The following SNX7 variants were observed in gnomAD, a reference collection of about 807,000 sequenced individuals.
The protein encoded by SNX7 is sorting nexin-7.
A neutral mutation model predicts 48.4 loss-of-function variants in SNX7; 35 were observed. The ratio of observed to expected loss-of-function variants is 0.72; its 90% CI spans 0.55 to 0.96. The LOEUF is 0.96. Ranked by LOEUF, SNX7 falls within the 40% of genes least tolerant of loss-of-function variation. The probability of loss-of-function intolerance (pLI) is 0.00; values close to 1 mark genes in which losing one functional copy is unlikely to be tolerated. For synonymous variants in SNX7, 190 were observed against 190.2 expected (o/e 1.00, Z 0.01); for missense variants, 553 against 548.9 (o/e 1.01, Z -0.07).
intron 7 of SNX7, among the ~76,000 whole-genome samples, chr1:98,734,642 G>A (rs10875179): frequency 0.39 from 58,966 of 152,030 alleles, 11,851 homozygotes; most frequent in African/African-American, 0.48. Flanking sequence ...CATGATTACT[G>A]CTGTTACTGT....
intron 1 of SNX7, 65 bp from the exon 2 acceptor site, chr1:98,684,820 G>T: frequency 9.0e-7 from 1 of 1,112,590 alleles, no homozygotes; most frequent in Non-Finnish European, 1.2e-6. Context: ...AATATTGATA[G>T]CATCTAGAAA....
intron 1 of SNX7, among the ~76,000 whole-genome samples, chr1:98,678,375 G>A (rs1033490476): frequency 6.6e-6 from 1 of 152,174 alleles, no homozygotes; most frequent in Non-Finnish European, 1.5e-5. Context: ...AGGCCTCACT[G>A]CCAACATTGG....
chr1:98,703,828 TTAAG>T (rs1318403262), intron 7 of SNX7, among the ~76,000 whole-genome samples: 2 of 152,042 alleles, frequency 1.3e-5, no homozygotes, highest in Non-Finnish European at 2.9e-5. Context: ...TTTTTAGGTG[TTAAG>T]TAAGGATATC....
chr1:98,700,077 T>C (rs928174559), intron 6 of SNX7, among the ~76,000 whole-genome samples: 3 of 152,332 alleles, frequency 2.0e-5, no homozygotes, highest in African/African-American at 7.2e-5. Context: ...ATGGAAATTA[T>C]GTAATTGAAG....
chr1:98,723,067 A>G (rs923042515), intron 7 of SNX7, among the ~76,000 whole-genome samples: 5 of 152,192 alleles, frequency 3.3e-5, no homozygotes, highest in African/African-American at 1.2e-4. Flanking sequence ...TAGACCTTAC[A>G]TCCCAACAGA....
Position 98,694,596 on chromosome 1 carries a change from A to ATTTTTTTTTTTTT in SNX7, c.640-905_640-893dup, listed in dbSNP as rs764330196. Reference sequence around the variant, plus strand: ...TGCTCTACCACTTAATTGCTCTGGGATTTTTTTTTTTTTTTTTTTTTTTTT... The same window carrying ATTTTTTTTTTTTT: ...TGCTCTACCACTTAATTGCTCTGGGATTTTTTTTTTTTTTTTTTTTTTTTTTTTTTTTTTTTTT... On this transcript the variant is annotated intron_variant, in intron 4 of 8. Transcript: ENST00000306121. Among the ~76,000 whole-genome samples the ATTTTTTTTTTTTT allele has an allele frequency of 2.3e-4, 12 of 53,224 alleles. 1 individual carries two copies. Among genetic ancestry groups the ATTTTTTTTTTTTT allele is most frequent in the African/African-American group, 4.3e-4 (5 of 11,590 alleles). The allele number at this position is 53,224 out of a possible 152,430, so 34.9% of individuals were successfully genotyped here. A position where few individuals can be genotyped will look rare whatever the true frequency, so the allele number is the denominator to read the frequency against.
At chr1:98,749,388 G>T (rs1654470840) in intron 8 of SNX7, among the ~76,000 whole-genome samples, 1 of 152,070 alleles carries the variant, frequency 6.6e-6, no homozygotes, top group African/African-American at 2.4e-5. Flanking sequence ...CTGTGTTGCA[G>T]TCATTTAAAT....
At position 98,685,039 on chromosome 1, in the gene SNX7, C is replaced by T; in HGVS notation, c.335C>T (p.Thr112Ile). 1 of 1,563,676 alleles carries T rather than the reference C, an allele frequency of 6.4e-7. No homozygotes were observed. The stretch of plus-strand genomic sequence containing the variant: ...GAAAGTCATGTTACTACAATAGAAA[C>T]TTTCATTACGTATAGGATTATTACT... Reference protein sequence around the residue: ...EPESHVTTIETFITYRIITKT... With the variant: ...EPESHVTTIEIFITYRIITKT... Residue 112 changes from threonine (T) to isoleucine (I), a missense_variant, in exon 2 of 9, where the codon ACT becomes ATT. By Grantham distance (89) the Thr-to-Ile change is moderately conservative. Transcript: ENST00000306121.
In SNX7 at chr1:98,698,827, T is replaced by G. The variant is rs1651599752; in HGVS notation, c.960T>G (p.Thr320=). 6.2e-7 allele frequency: 1 copy of G among 1,613,900 alleles called. No homozygotes were observed. The highest frequency in any genetic ancestry group is 8.5e-7 in the Non-Finnish European group (1 of 1,179,824). Residue 320 remains threonine, a synonymous_variant, in exon 6 of 9, where the codon ACT becomes ACG. Transcript: ENST00000306121. ...GCATTGACAGATGCTGTAAGGCCACTGAAAAGCGGATGTCTGGACTCTCAG... is the reference window on the plus strand; with the variant it reads ...GCATTGACAGATGCTGTAAGGCCACGGAAAAGCGGATGTCTGGACTCTCAG... ...ASCIDRCCKA[T]EKRMSGLSEA...
At chr1:98,720,454 C>A (rs1652805488) in intron 7 of SNX7, among the ~76,000 whole-genome samples, 1 of 151,962 alleles carries the variant, frequency 6.6e-6, no homozygotes, top group African/African-American at 2.4e-5. Context: ...TAGAGTATTT[C>A]TAGGAAAACA....
chr1:98,685,560 G>A (rs1190430664), intron 2 of SNX7, among the ~76,000 whole-genome samples: 2 of 152,128 alleles, frequency 1.3e-5, no homozygotes, highest in Non-Finnish European at 2.9e-5. Context: ...CTAGAACACA[G>A]ATCTCTTTAA....
In SNX7 at chr1:98,683,793, G is replaced by A. The variant is rs747701908; in HGVS notation, c.181-1092G>A. 3.6e-4 allele frequency among the ~76,000 whole-genome samples: 55 copies of A among 152,280 alleles called. No homozygotes were observed. The Middle Eastern group carries it at 0.017, about 47-fold the overall frequency. On this transcript the variant is annotated intron_variant, in intron 1 of 8. Transcript: ENST00000306121. Reference sequence around the variant, plus strand: ...GTTGCACCTTCCTGCCAACGTTCTTGGGACCAGATGAACAGGTTTGCATGT... The same window carrying A: ...GTTGCACCTTCCTGCCAACGTTCTTAGGACCAGATGAACAGGTTTGCATGT...
chr1:98,746,064 C>A (rs1198314900), intron 8 of SNX7, among the ~76,000 whole-genome samples: 1 of 151,872 alleles, frequency 6.6e-6, no homozygotes, highest in Non-Finnish European at 1.5e-5. Flanking sequence ...AATGGAATAG[C>A]CTTCTGTGAT....
chr1:98,709,120 T>TG (rs1652168882), intron 7 of SNX7, among the ~76,000 whole-genome samples: 1 of 152,226 alleles, frequency 6.6e-6, no homozygotes, highest in Admixed American at 6.5e-5. Flanking sequence ...CTGTGAGAGA[T>TG]GTGGGTAATG....
intron 1 of SNX7, among the ~76,000 whole-genome samples, chr1:98,683,249 C>T (rs1650600929): frequency 1.3e-5 from 2 of 152,014 alleles, no homozygotes; most frequent in Admixed American, 6.6e-5. Context: ...AGATCCTACA[C>T]CAAATAATAA....
intron 1 of SNX7, among the ~76,000 whole-genome samples, chr1:98,674,185 C>G (rs979081205): frequency 2.0e-5 from 3 of 151,932 alleles, no homozygotes; most frequent in Non-Finnish European, 4.4e-5. Flanking sequence ...TTAGCTTTGC[C>G]TCCATCCTCA....
At chr1:98,676,336 T>G (rs938668277) in intron 1 of SNX7, among the ~76,000 whole-genome samples, 4 of 152,190 alleles carry the variant, frequency 2.6e-5, no homozygotes, top group African/African-American at 4.8e-5. Flanking sequence ...AATGATTTAT[T>G]TCACTGAATT....
chr1:98,704,739 C>A (rs747107608), intron 7 of SNX7, among the ~76,000 whole-genome samples: 63 of 152,144 alleles, frequency 4.1e-4, no homozygotes, highest in Admixed American at 3.9e-4. Context: ...ATTTTGGAGA[C>A]AACCCAGGGG....
At chr1:98,717,453 A>G (rs914625817) in intron 7 of SNX7, among the ~76,000 whole-genome samples, 11 of 152,206 alleles carry the variant, frequency 7.2e-5, no homozygotes, top group African/African-American at 2.2e-4. Context: ...CAGGACTTCA[A>G]AACTGTATTC....
Sources: gnomAD v4.1 joint callset for allele counts (sites outside exome capture counted in the v4.1 genomes callset) on GRCh38, gnomAD v4.1.1 for gene constraint, MANE v1.5 for transcripts, NCBI Gene and HGNC (gene_info 2026-07-23, HGNC 2026-07-21) for gene names.